Variants in TENM4 observed in about 807,000 individuals in gnomAD.
TENM4 encodes the protein teneurin transmembrane protein 4.
Under a neutral mutation model 243.3 loss-of-function variants are expected in TENM4, and 82 were observed. The ratio of observed to expected loss-of-function variants is 0.34; its 90% CI spans 0.28 to 0.40. The LOEUF is 0.40. TENM4 is among the 10% of genes least tolerant of loss of function. The pLI, the probability that TENM4 is intolerant of heterozygous loss-of-function variation, is 1.00. For missense variants in TENM4, 3,138 were observed against 3,673.3 expected (o/e 0.85, Z 3.77); for synonymous variants, 1,412 against 1,456.3 (o/e 0.97, Z 0.69).
At chr11:78,918,576 C>T (rs1856373837) in intron 6 of TENM4, among the ~76,000 whole-genome samples, 1 of 152,184 alleles carries the variant, frequency 6.6e-6, no homozygotes, top group Admixed American at 6.5e-5. Context: ...GGTCACTGTT[C>T]TGCCTAATTT....
intron 15 of TENM4, among the ~76,000 whole-genome samples, chr11:78,788,673 C>T (rs955322704): frequency 2.0e-5 from 3 of 152,266 alleles, no homozygotes; most frequent in Non-Finnish European, 4.4e-5. Context: ...TCAAGCAACT[C>T]AAGAAAGGTT....
At chr11:78,728,480 C>T in intron 22 of TENM4, among the ~76,000 whole-genome samples, 1 of 151,690 alleles carries the variant, frequency 6.6e-6, no homozygotes, top group African/African-American at 2.4e-5. Flanking sequence ...CCCTCTTCCT[C>T]CCTCCCTTCC....
chr11:79,295,658 G>A (rs1398392728), intron 2 of TENM4, among the ~76,000 whole-genome samples: 2 of 152,098 alleles, frequency 1.3e-5, no homozygotes, highest in African/African-American at 4.8e-5. Flanking sequence ...GGCTGCAGAG[G>A]GCAGGTGAAG....
intron 1 of TENM4, among the ~76,000 whole-genome samples, chr11:79,413,713 T>G (rs1364244843): frequency 6.6e-6 from 1 of 152,178 alleles, no homozygotes; most frequent in African/African-American, 2.4e-5. Context: ...TTTGAACAAT[T>G]GGGGCAATCT....
At chr11:79,000,820 C>T (rs375657341) in intron 6 of TENM4, among the ~76,000 whole-genome samples, 51 of 152,328 alleles carry the variant, frequency 3.3e-4, no homozygotes, top group African/African-American at 1.1e-3. Context: ...CACCTGAGGT[C>T]AGGAGTTCTA....
chr11:78,713,213 C>T (rs992532086), intron 25 of TENM4, among the ~76,000 whole-genome samples: 3 of 152,212 alleles, frequency 2.0e-5, no homozygotes, highest in African/African-American at 7.2e-5. Flanking sequence ...GAAACCCTGG[C>T]TGGCTCTGAC....
chr11:78,974,078 C>T (rs867575698), intron 6 of TENM4, among the ~76,000 whole-genome samples: 1 of 152,030 alleles, frequency 6.6e-6, no homozygotes, highest in Non-Finnish European at 1.5e-5. Flanking sequence ...TTGTCAGGGG[C>T]CAGGTTAAAG....
chr11:78,850,424 G>C (rs1858508819), intron 12 of TENM4, among the ~76,000 whole-genome samples: 1 of 152,114 alleles, frequency 6.6e-6, no homozygotes, highest in Admixed American at 6.5e-5. Context: ...GCAAACCCGA[G>C]AGTTACAATT....
intron 1 of TENM4, among the ~76,000 whole-genome samples, chr11:79,315,391 T>C (rs1457900130): frequency 6.6e-6 from 1 of 152,206 alleles, no homozygotes; most frequent in Non-Finnish European, 1.5e-5. Flanking sequence ...CAACATCACA[T>C]GGCCCCTGGA....
chr11:78,669,314 T>C lies in TENM4; in HGVS notation c.7031A>G (p.His2344Arg). 1 of 1,613,788 alleles carries C rather than the reference T, an allele frequency of 6.2e-7. No individual in the cohort carries two copies. Among genetic ancestry groups the C allele is most frequent in the Non-Finnish European group, 8.5e-7 (1 of 1,179,824 alleles). Reference protein sequence around the residue: ...ITSLYYDLQGHLFAMELSSGD... With the variant: ...ITSLYYDLQGRLFAMELSSGD... ...ACTGCTCAGCTCCATGGCAAAGAGG[T>C]GTCCTTGCAAGTCGTAGTAGAGGGA... Residue 2344 changes from histidine to arginine, a missense_variant, in exon 32 of 34, where the codon CAC becomes CGC. His to Arg is a conservative substitution (Grantham distance 29). Around this residue, in one of 2 missense-constraint regions of TENM4, gnomAD observed 2,467 missense variants for 3,059.1 expected, o/e 0.81. Coordinates refer to ENST00000278550, the MANE Select transcript of TENM4 (RefSeq NM_001098816.3). The surrounding 1 kb of genome is among the most constrained non-coding windows in gnomAD (Gnocchi z 6.4).
chr11:79,299,445 C>A (rs1356545659), intron 1 of TENM4, among the ~76,000 whole-genome samples: 2 of 152,182 alleles, frequency 1.3e-5, no homozygotes, highest in African/African-American at 4.8e-5. Context: ...CAATTCTGTG[C>A]CATCTGGCCA....
chr11:79,138,636 T>A (rs1344522509), intron 4 of TENM4, among the ~76,000 whole-genome samples: 72 of 104,794 alleles, frequency 6.9e-4, no homozygotes, highest in African/African-American at 2.8e-3. Flanking sequence ...TATATTATAT[T>A]TATATAAATA....
intron 19 of TENM4, among the ~76,000 whole-genome samples, chr11:78,739,276 T>C (rs1373991899): frequency 2.6e-5 from 4 of 152,202 alleles, no homozygotes; most frequent in African/African-American, 9.6e-5. Flanking sequence ...TGCCTCTGTC[T>C]GTGCAATGTT....
intron 6 of TENM4, among the ~76,000 whole-genome samples, chr11:79,041,014 C>T (rs898045926): frequency 4.0e-5 from 6 of 151,166 alleles, no homozygotes; most frequent in South Asian, 2.1e-4. Flanking sequence ...TGCAGTAACT[C>T]GGGAGTTAGA....
chr11:79,164,557 T>TATATATACTATATACTATATAGATAC (rs1862865468), intron 3 of TENM4, among the ~76,000 whole-genome samples: 1 of 144,522 alleles, frequency 6.9e-6, no homozygotes, highest in African/African-American at 2.5e-5. Flanking sequence ...ATCTATATAC[T>TATATATACTATATACTATATAGATAC]ATATATACTA....
intron 1 of TENM4, among the ~76,000 whole-genome samples, chr11:79,437,943 A>T (rs189331689): frequency 2.0e-4 from 30 of 152,314 alleles, no homozygotes; most frequent in South Asian, 1.2e-3. Context: ...CCAGCCGAGC[A>T]CTGGCTTTTC....
chr11:79,108,959 C>T (rs1478685857), intron 4 of TENM4, among the ~76,000 whole-genome samples: 1 of 152,150 alleles, frequency 6.6e-6, no homozygotes, highest in Non-Finnish European at 1.5e-5. Flanking sequence ...GACTCACAAA[C>T]ACCCACCGCT....
At chr11:78,790,932 C>CA (rs2136048872) in intron 15 of TENM4, among the ~76,000 whole-genome samples, 1 of 152,326 alleles carries the variant, frequency 6.6e-6, no homozygotes, top group South Asian at 2.1e-4. Context: ...TCTGTCCATC[C>CA]AAACACTCAA....
intron 6 of TENM4, among the ~76,000 whole-genome samples, chr11:78,934,251 T>C (rs535161): frequency 0.2 from 30,689 of 152,062 alleles, 3,239 homozygotes; most frequent in Non-Finnish European, 0.23. Context: ...TTCCCAATCC[T>C]AGAGAATCAG....
Sources: allele counts gnomAD v4.1 joint callset (sites outside exome capture counted in the v4.1 genomes callset), GRCh38; gene constraint gnomAD v4.1.1; regional missense constraint gnomAD v4.1.1; non-coding constraint Gnocchi (gnomAD v3.1); transcripts MANE v1.5; gene names NCBI Gene and HGNC (gene_info 2026-07-23, HGNC 2026-07-21).